Variants in ORC1 observed in about 807,000 individuals in gnomAD.
ORC1 encodes origin recognition complex, subunit 1 homolog.
Under a neutral mutation model 98.9 loss-of-function variants are expected in ORC1, and 61 were observed. That is an observed-to-expected ratio of 0.62 (90% CI 0.50 to 0.76). The LOEUF (loss-of-function observed/expected upper bound fraction) is 0.76, where lower values mean the gene tolerates loss of function less well. Ranked by LOEUF, ORC1 falls within the 30% of genes least tolerant of loss-of-function variation. The probability of loss-of-function intolerance (pLI) is 0.00; values close to 1 mark genes in which losing one functional copy is unlikely to be tolerated. For synonymous variants in ORC1, 385 were observed against 406.9 expected (o/e 0.95, Z 0.65); for missense variants, 979 against 1,072.2 (o/e 0.91, Z 1.21).
At chr1:52,390,138 T>G (rs1374430422) in intron 6 of ORC1, among the ~76,000 whole-genome samples, 1 of 152,162 alleles carries the variant, frequency 6.6e-6, no homozygotes, top group African/African-American at 2.4e-5. Context: ...ATTCAACATA[T>G]TCAGTGCAAT....
chr1:52,393,320 G>A (rs1412926770), intron 6 of ORC1, 123 bp downstream of exon 6: 7 of 1,308,998 alleles, frequency 5.3e-6, no homozygotes, highest in Non-Finnish European at 7.6e-6. Flanking sequence ...TTTTAAGAAA[G>A]CTCCCCAATA....
At chr1:52,387,219 A>T (rs1647153649) in intron 8 of ORC1, among the ~76,000 whole-genome samples, 1 of 152,136 alleles carries the variant, frequency 6.6e-6, no homozygotes. Flanking sequence ...CTTCTGCTAG[A>T]GGAGCAGAGG....
At chr1:52,384,211 T>C (rs1252281132) in intron 11 of ORC1, among the ~76,000 whole-genome samples, 1 of 152,228 alleles carries the variant, frequency 6.6e-6, no homozygotes, top group Non-Finnish European at 1.5e-5. Flanking sequence ...AACTGGATGT[T>C]ACCTGCTCCA....
chr1:52,377,341 C>T (rs779263581), intron 14 of ORC1, among the ~76,000 whole-genome samples: 1 of 152,142 alleles, frequency 6.6e-6, no homozygotes, highest in Non-Finnish European at 1.5e-5. Context: ...GTGGCATGAT[C>T]ATGACTCACT....
Position 52,374,947 on chromosome 1 carries a change from G to C in ORC1, c.2304-50C>G, listed in dbSNP as rs1327262423. 2.5e-6 allele frequency: 3 copies of C among 1,176,620 alleles called. No homozygotes were observed. The East Asian group carries it at 7.0e-5, about 28-fold the overall frequency. 72.9% of individuals were successfully genotyped at this position (1,176,620 alleles called of 1,614,324 possible). The stretch of plus-strand genomic sequence containing the variant: ...GTTTTTGTCAGTGGCTGTAACCCCA[G>C]CCCAGAGGAAAGCCAAAGAAAACTT... On this transcript the variant is annotated intron_variant, in intron 15 of 16. Coordinates refer to ENST00000371568, the MANE Select transcript of ORC1 (RefSeq NM_004153.4).
chr1:52,407,251 C>T (rs1027665492), upstream of ORC1, among the ~76,000 whole-genome samples: 4 of 152,170 alleles, frequency 2.6e-5, no homozygotes, highest in South Asian at 2.1e-4. Context: ...TCTCCTGACC[C>T]GGTGACCCAC....
At chr1:52,404,937 G>A (rs1306610146), upstream of ORC1, 5 of 1,594,156 alleles carry the variant, frequency 3.1e-6, no homozygotes, top group South Asian at 3.4e-5. Flanking sequence ...TCTCCTGACC[G>A]AGCGCGGGTA....
chr1:52,387,309 T>C (rs919618115), intron 8 of ORC1, among the ~76,000 whole-genome samples: 2 of 152,138 alleles, frequency 1.3e-5, no homozygotes, highest in African/African-American at 4.8e-5. Context: ...CTTATGAGAA[T>C]CCAATGCCTG....
intron 8 of ORC1, 93 bp downstream of exon 8, chr1:52,388,349 T>C: frequency 3.0e-6 from 3 of 1,016,020 alleles, no homozygotes; most frequent in Non-Finnish European, 3.1e-6. Context: ...TGTCCTCAGA[T>C]TCCAGCTGTT....
intron 6 of ORC1, among the ~76,000 whole-genome samples, chr1:52,392,094 AAAT>A (rs2147935418): frequency 6.6e-6 from 1 of 152,208 alleles, no homozygotes; most frequent in African/African-American, 2.4e-5. Flanking sequence ...AAAAATCAAA[AAAT>A]AATAGATGTT....
At chr1:52,408,419 T>G (rs1465002133), upstream of ORC1, 2 of 1,031,970 alleles carry the variant, frequency 1.9e-6, no homozygotes, top group African/African-American at 3.1e-5. Flanking sequence ...TTAGCTGTCT[T>G]TCTTCTGCTG....
In ORC1 at chr1:52,381,775, AT is replaced by A; in HGVS notation, c.2014-15del. 1.2e-6 allele frequency: 2 copies of A among 1,611,834 alleles called. No individual in the cohort carries two copies. ...CCTGGTAAGACCCTGGGGAGCCAAAATGACAGAGGAATAAGTTGGTTGACTG... is the reference window on the plus strand; with the variant it reads ...CCTGGTAAGACCCTGGGGAGCCAAAAGACAGAGGAATAAGTTGGTTGACTG... On this transcript the variant is annotated splice_polypyrimidine_tract_variant and intron_variant, in intron 13 of 16. Coordinates refer to ENST00000371568, the MANE Select transcript of ORC1 (RefSeq NM_004153.4).
At chr1:52,376,479 C>T (rs554101605) in intron 14 of ORC1, among the ~76,000 whole-genome samples, 91 of 152,236 alleles carry the variant, frequency 6.0e-4, no homozygotes, top group Non-Finnish European at 1.2e-3. Flanking sequence ...CACGCCACTG[C>T]ACTCCAGTCT....
upstream of ORC1, chr1:52,405,950 T>C: frequency 1.1e-6 from 1 of 926,842 alleles, no homozygotes; most frequent in Non-Finnish European, 1.7e-6. Context: ...AGAGTTCCAC[T>C]CCAGATTTTT....
At chr1:52,392,244 C>G (rs890091161) in intron 6 of ORC1, among the ~76,000 whole-genome samples, 3 of 152,020 alleles carry the variant, frequency 2.0e-5, no homozygotes. Flanking sequence ...ATTCTCCTGC[C>G]TCAGCCTCCC....
chr1:52,377,520 TC>T (rs1238408442), intron 14 of ORC1, among the ~76,000 whole-genome samples: 1 of 151,272 alleles, frequency 6.6e-6, no homozygotes, highest in African/African-American at 2.4e-5. Context: ...AGTGATCCTC[TC>T]ACCTTGGCCT....
intron 16 of ORC1, among the ~76,000 whole-genome samples, chr1:52,374,165 C>T (rs1389583485): frequency 1.3e-5 from 2 of 152,188 alleles, no homozygotes; most frequent in Non-Finnish European, 2.9e-5. Context: ...AGAGCTATCT[C>T]AGACTCTAGG....
intron 13 of ORC1, among the ~76,000 whole-genome samples, chr1:52,382,889 T>A (rs1647091305): frequency 6.6e-6 from 1 of 151,708 alleles, no homozygotes; most frequent in African/African-American, 2.4e-5. Flanking sequence ...CTAAAACATT[T>A]TTTTTTTAAA....
At chr1:52,374,277 G>A (rs1646968277) in intron 16 of ORC1, among the ~76,000 whole-genome samples, 1 of 152,210 alleles carries the variant, frequency 6.6e-6, no homozygotes, top group African/African-American at 2.4e-5. Context: ...ATGTTTTCCT[G>A]ACTTATTTTA....
Sources: allele counts gnomAD v4.1 joint callset (sites outside exome capture counted in the v4.1 genomes callset), GRCh38; gene constraint gnomAD v4.1.1; transcripts MANE v1.5; gene names NCBI Gene and HGNC (gene_info 2026-07-23, HGNC 2026-07-21).